CATSPERE: variants seen among roughly 807,000 people sequenced by gnomAD.
CATSPERE encodes the protein catsper channel auxiliary subunit epsilon, also known as cation channel sperm-associated auxiliary subunit epsilon.
CATSPERE carries 93 observed loss-of-function variants against 114.1 expected under a neutral mutation model. That is an observed-to-expected ratio of 0.81 (90% confidence interval 0.69 to 0.97). The LOEUF is 0.97. CATSPERE is among the 50% of genes least tolerant of loss of function. The probability of loss-of-function intolerance (pLI) is 0.00; values close to 1 mark genes in which losing one functional copy is unlikely to be tolerated. For missense variants in CATSPERE, 1,058 were observed against 1,131.6 expected (o/e 0.93, Z 0.93); for synonymous variants, 341 against 384.1 (o/e 0.89, Z 1.31).
At chr1:244,546,579 A>G (rs1170090726) in intron 8 of CATSPERE, among the ~76,000 whole-genome samples, 1 of 152,276 alleles carries the variant, frequency 6.6e-6, no homozygotes, top group Non-Finnish European at 1.5e-5. Flanking sequence ...AAGAAAATAC[A>G]GAGAAACAGT....
chr1:244,607,436 A>G lies in CATSPERE; in HGVS notation c.2403+1642A>G, dbSNP rs1381924607. 1.3e-5 allele frequency among the ~76,000 whole-genome samples: 2 copies of G among 152,216 alleles called. No individual in the cohort carries two copies. Among genetic ancestry groups the G allele is most frequent in the Non-Finnish European group, 2.9e-5 (2 of 68,032 alleles). On this transcript the variant is annotated intron_variant, in intron 18 of 21. Coordinates refer to ENST00000366534, the MANE Select transcript of CATSPERE (RefSeq NM_001130957.2). This position sits in a 1 kb window ranked among gnomAD's most constrained non-coding sequence, Gnocchi z 4.4. ...CACTTTTCCTCCTGCCCTGAAAACAATCACCATGGATTCCTGAATTCTGCC... is the reference window on the plus strand; with the variant it reads ...CACTTTTCCTCCTGCCCTGAAAACAGTCACCATGGATTCCTGAATTCTGCC...
intron 13 of CATSPERE, among the ~76,000 whole-genome samples, chr1:244,587,977 A>G (rs895982643): frequency 9.9e-5 from 15 of 152,030 alleles, no homozygotes; most frequent in Admixed American, 3.9e-4. Context: ...GGTGGATCAC[A>G]TGAGGTCAGG....
chr1:244,470,338 A>G (rs1462481249), intron 2 of CATSPERE, among the ~76,000 whole-genome samples: 3 of 152,208 alleles, frequency 2.0e-5, no homozygotes, highest in Non-Finnish European at 2.9e-5. Flanking sequence ...ATAATTTGGT[A>G]ATAAAAATAC....
intron 8 of CATSPERE, among the ~76,000 whole-genome samples, chr1:244,547,981 A>G (rs1248454821): frequency 2.0e-5 from 3 of 152,210 alleles, no homozygotes; most frequent in Non-Finnish European, 2.9e-5. Context: ...TTATATACCA[A>G]TTCATGGGCT....
intron 1 of CATSPERE, among the ~76,000 whole-genome samples, chr1:244,455,550 T>C (rs889497223): frequency 3.2e-4 from 49 of 152,090 alleles, no homozygotes; most frequent in African/African-American, 1.2e-3. Context: ...GTCAGCTTAA[T>C]TAAAAGTGGA....
intron 5 of CATSPERE, among the ~76,000 whole-genome samples, chr1:244,484,457 G>C (rs541409668): frequency 6.6e-6 from 1 of 152,282 alleles, no homozygotes; most frequent in Non-Finnish European, 1.5e-5. Flanking sequence ...ATTACTGGTG[G>C]GAATGCAAAG....
upstream of CATSPERE, among the ~76,000 whole-genome samples, chr1:244,459,127 G>A (rs1666418396): frequency 6.7e-6 from 1 of 148,488 alleles, no homozygotes; most frequent in African/African-American, 2.5e-5. Flanking sequence ...TCGCCAGGCT[G>A]GAGTTCGGTG....
intron 17 of CATSPERE, chr1:244,598,668 CT>C: frequency 3.8e-6 from 1 of 259,834 alleles, no homozygotes; most frequent in Non-Finnish European, 8.2e-6. Context: ...AACACTTTTG[CT>C]TTTTTCAACA....
At chr1:244,503,198 C>T (rs1674338831) in intron 7 of CATSPERE, among the ~76,000 whole-genome samples, 1 of 152,104 alleles carries the variant, frequency 6.6e-6, no homozygotes, top group Admixed American at 6.5e-5. Context: ...TCTCCTCTGG[C>T]TGCTTTTGAG....
At chr1:244,455,654 C>A (rs1275047061) in intron 1 of CATSPERE, among the ~76,000 whole-genome samples, 1 of 151,672 alleles carries the variant, frequency 6.6e-6, no homozygotes, top group Non-Finnish European at 1.5e-5. Context: ...GGAAAAAGGT[C>A]TTTTTTTCCT....
rs955975065 is a variant in CATSPERE, at chr1:244,504,663, T to G, written c.429+5584T>G. Among the ~76,000 whole-genome samples the G allele has an allele frequency of 3.3e-5, 5 of 152,224 alleles. No individual in the cohort carries two copies. The highest frequency in any genetic ancestry group is 1.2e-4 in the African/African-American group (5 of 41,456). ...TTTGTAAAATGTCAGTCCATTGGGA[T>G]TCATCTGAGATTTTTCTCATAATCA... is the stretch of plus-strand genomic sequence containing the variant. On this transcript the variant is annotated intron_variant, in intron 7 of 21. Coordinates refer to ENST00000366534, the MANE Select transcript of CATSPERE (RefSeq NM_001130957.2). The surrounding 1 kb of genome is among the most constrained non-coding windows in gnomAD (Gnocchi z 4.1).
At chr1:244,582,910 GATATATATATATAT>G (rs66677443) in intron 12 of CATSPERE, among the ~76,000 whole-genome samples, 6 of 142,508 alleles carry the variant, frequency 4.2e-5, no homozygotes, top group East Asian at 2.1e-4. Context: ...AACAGAATTT[GATATATATATATAT>G]ATATATATAT....
At chr1:244,597,011 C>T (rs917753366) in intron 17 of CATSPERE, among the ~76,000 whole-genome samples, 12 of 152,096 alleles carry the variant, frequency 7.9e-5, no homozygotes, top group African/African-American at 2.9e-4. Flanking sequence ...CTGTCTAAGG[C>T]CTGTCCCTCC....
chr1:244,577,667 A>G (rs1665492652), intron 11 of CATSPERE, among the ~76,000 whole-genome samples: 2 of 152,328 alleles, frequency 1.3e-5, no homozygotes, highest in South Asian at 4.1e-4. Context: ...AATCCCATTC[A>G]GGAGGCTGTG....
rs369233637 is a variant in CATSPERE at position 244,461,511 on chromosome 1, C to T, written c.65+17C>T. The T allele has an allele frequency of 1.5e-6, 2 of 1,295,510 alleles. No individual in the cohort carries two copies. Among genetic ancestry groups the T allele is most frequent in the Admixed American group, 7.7e-5 (2 of 25,998 alleles). The allele number at this position is 1,295,510 out of a possible 1,614,324, so 80.3% of individuals were successfully genotyped here. On this transcript the variant is annotated intron_variant, in intron 1 of 21. Coordinates refer to ENST00000366534, the MANE Select transcript of CATSPERE (RefSeq NM_001130957.2). ...CCTTTGGAGGTAGAGAGACGCCAGT[C>T]GCAGGCGAGCGACTAGGCGGGGATT...
chr1:244,572,661 T>A lies in CATSPERE; in HGVS notation c.1839T>A (p.Tyr613Ter), dbSNP rs1469164321. 2 of 1,614,018 alleles carry A rather than the reference T, an allele frequency of 1.2e-6. No homozygotes were observed. Among genetic ancestry groups the A allele is most frequent in the South Asian group, 2.2e-5 (2 of 91,076 alleles). The stretch of plus-strand genomic sequence containing the variant: ...TGACAGTTTGGACTCAGATCGTCTA[T>A]CCAGAAAACACTGGTCTGTATGTTA... ...EALTVWTQIV[Y>*]PENTGLYVIV... Residue 613 changes from tyrosine to a stop codon, truncating the protein, a stop_gained, in exon 11 of 22, where the codon TAT (tyrosine) becomes TAA (stop). Coordinates refer to ENST00000366534, the MANE Select transcript of CATSPERE (RefSeq NM_001130957.2). LOFTEE classifies it high-confidence loss of function.
At chr1:244,551,473 C>T (rs1281386833) in intron 8 of CATSPERE, among the ~76,000 whole-genome samples, 1 of 152,116 alleles carries the variant, frequency 6.6e-6, no homozygotes, top group Non-Finnish European at 1.5e-5. Context: ...AAAACATACT[C>T]ATAGTAGAAC....
At chr1:244,467,000 C>T (rs1194901696) in intron 2 of CATSPERE, among the ~76,000 whole-genome samples, 1 of 152,194 alleles carries the variant, frequency 6.6e-6, no homozygotes, top group Non-Finnish European at 1.5e-5. Flanking sequence ...TGGTTTCCAG[C>T]TCCTGCAATC....
chr1:244,495,856 G>T (rs1673000655), intron 6 of CATSPERE, among the ~76,000 whole-genome samples: 2 of 152,140 alleles, frequency 1.3e-5, no homozygotes, highest in African/African-American at 4.8e-5. Context: ...ACAGATAAGG[G>T]ATTACCCAGA....
Sources: allele counts gnomAD v4.1 joint callset (sites outside exome capture counted in the v4.1 genomes callset), GRCh38; gene constraint gnomAD v4.1.1; non-coding constraint Gnocchi (gnomAD v3.1); transcripts MANE v1.5; gene names NCBI Gene and HGNC (gene_info 2026-07-23, HGNC 2026-07-21).